FBXO25: variants seen among roughly 807,000 people sequenced by gnomAD.
FBXO25 encodes F-box protein 25.
A neutral mutation model predicts 51.9 loss-of-function variants in FBXO25; 45 were observed. The observed-to-expected ratio is 0.87, with a 90% CI of 0.68 to 1.11. The LOEUF (loss-of-function observed/expected upper bound fraction) is 1.11, where lower values mean the gene tolerates loss of function less well. FBXO25 is among the 50% of genes most tolerant of loss of function. The probability of loss-of-function intolerance (pLI) is 0.00; values close to 1 mark genes in which losing one functional copy is unlikely to be tolerated. For missense variants in FBXO25, 507 were observed against 428.5 expected, an observed-to-expected ratio of 1.18 and a Z score of -1.62; for synonymous variants, 199 against 151.0, an observed-to-expected ratio of 1.32 and a Z score of -2.33.
chr8:425,695 T>C (rs1180900689), intron 2 of FBXO25, among the ~76,000 whole-genome samples: 1 of 151,992 alleles, frequency 6.6e-6, no homozygotes, highest in Non-Finnish European at 1.5e-5. Context: ...AAATTCTCTA[T>C]ATATTTTCCC....
At chr8:454,958 G>C (rs1052444160) in intron 7 of FBXO25, among the ~76,000 whole-genome samples, 3 of 151,664 alleles carry the variant, frequency 2.0e-5, no homozygotes, top group Non-Finnish European at 2.9e-5. Context: ...CTCCTGGTCA[G>C]TGCTTAACAA....
chr8:417,226 A>C (rs192816563), intron 2 of FBXO25, among the ~76,000 whole-genome samples: 1 of 152,294 alleles, frequency 6.6e-6, no homozygotes, highest in Admixed American at 6.5e-5. Flanking sequence ...TTTCTGAGTG[A>C]TGTGGGGAGT....
intron 2 of FBXO25, among the ~76,000 whole-genome samples, chr8:420,220 C>T (rs1797066109): frequency 6.6e-6 from 1 of 152,140 alleles, no homozygotes; most frequent in Non-Finnish European, 1.5e-5. Flanking sequence ...TGTGCACCTT[C>T]CTCATAAGGT....
intron 2 of FBXO25, among the ~76,000 whole-genome samples, chr8:428,526 T>C (rs1012536365): frequency 3.3e-4 from 50 of 152,042 alleles, no homozygotes; most frequent in African/African-American, 1.1e-3. Flanking sequence ...TCTTTATCTT[T>C]AATTAAAACA....
chr8:421,950 C>G (rs1285004672), intron 2 of FBXO25, among the ~76,000 whole-genome samples: 2 of 152,072 alleles, frequency 1.3e-5, no homozygotes, highest in Non-Finnish European at 2.9e-5. Flanking sequence ...TCCATTTAGG[C>G]TGATATGAAT....
intron 2 of FBXO25, among the ~76,000 whole-genome samples, chr8:426,492 TC>T (rs1163057373): frequency 2.4e-4 from 36 of 152,140 alleles, no homozygotes; most frequent in African/African-American, 8.4e-4. Flanking sequence ...CATGTTAATA[TC>T]CTAGTCATGA....
In FBXO25 at chr8:439,966, T is replaced by A. The variant is rs373526704; in HGVS notation, c.381+4259T>A. Among the ~76,000 whole-genome samples the A allele has an allele frequency of 1.1e-4, 17 of 152,264 alleles. No homozygotes were observed. The South Asian group carries it at 3.1e-3, about 28-fold the overall frequency. On this transcript the variant is annotated intron_variant, in intron 5 of 9. Coordinates refer to ENST00000350302, the MANE Select transcript of FBXO25 (RefSeq NM_183420.2). ...CTAGAATCTCTGGCTATATGAAGAT[T>A]TTTTTTCAAATTTTTTCATAATTTC...
At chr8:416,457 A>T (rs989271316) in intron 2 of FBXO25, among the ~76,000 whole-genome samples, 2 of 152,190 alleles carry the variant, frequency 1.3e-5, no homozygotes, top group Non-Finnish European at 2.9e-5. Context: ...ACAGAGGCTT[A>T]TTTTTGTTAA....
chr8:456,468 C>G (rs1452383798), intron 7 of FBXO25, among the ~76,000 whole-genome samples: 1 of 152,142 alleles, frequency 6.6e-6, no homozygotes, highest in African/African-American at 2.4e-5. Context: ...CAGTAATGAG[C>G]AAAGACGTTT....
At position 476,340 on chromosome 8, in the gene FBXO25, T is replaced by C. The variant is rs560498522; in HGVS notation, c.*7536T>C. On this transcript the variant is annotated 3_prime_UTR_variant, in exon 10 of 10. Transcript: ENST00000350302. ...GATGTGTGGTGTTTTTTTCTTATAG[T>C]GTCTTTGTCTGGTTTTGGTATCAGA... is the stretch of plus-strand genomic sequence containing the variant. 1.8e-4 allele frequency: 26 copies of C among 145,150 alleles called. No individual in the cohort carries two copies. The highest frequency in any genetic ancestry group is 7.0e-4 in the African/African-American group (26 of 36,992). The allele number at this position is 145,150 out of a possible 1,614,324, so 9.0% of individuals were successfully genotyped here.
At chr8:422,158 C>G (rs141860614) in intron 2 of FBXO25, among the ~76,000 whole-genome samples, 2 of 152,098 alleles carry the variant, frequency 1.3e-5, no homozygotes, top group Non-Finnish European at 2.9e-5. Context: ...AGTCTCCCCC[C>G]AAATAGCTAT....
In FBXO25 at chr8:473,827, T is replaced by C. The variant is rs1222315613; in HGVS notation, c.*5023T>C. 3 of 152,238 alleles carry C rather than the reference T, an allele frequency of 2.0e-5. No individual in the cohort carries two copies. The highest frequency in any genetic ancestry group is 7.2e-5 in the African/African-American group (3 of 41,470). 9.4% of individuals were successfully genotyped at this position (152,238 alleles called of 1,614,324 possible). A position where few individuals can be genotyped will look rare whatever the true frequency, so the allele number is the denominator to read the frequency against. Reference sequence around the variant, plus strand: ...ACTGTCTCGTTTTTGCATGGAAATTTCATTTTTATTTGATAATCATTTGAG... The same window carrying C: ...ACTGTCTCGTTTTTGCATGGAAATTCCATTTTTATTTGATAATCATTTGAG... On this transcript the variant is annotated 3_prime_UTR_variant, in exon 10 of 10. Coordinates refer to ENST00000350302, the MANE Select transcript of FBXO25 (RefSeq NM_183420.2).
chr8:452,149 A>C (rs1799138120), intron 7 of FBXO25, among the ~76,000 whole-genome samples: 1 of 152,218 alleles, frequency 6.6e-6, no homozygotes, highest in Non-Finnish European at 1.5e-5. Context: ...CCCAGTTTTC[A>C]CATAAAGGAA....
At chr8:462,526 CTT>C (rs1799880144) in intron 8 of FBXO25, among the ~76,000 whole-genome samples, 1 of 152,278 alleles carries the variant, frequency 6.6e-6, no homozygotes, top group African/African-American at 2.4e-5. Context: ...TGATTTGTCA[CTT>C]ATTGATTTAA....
rs1440381993 is a variant in FBXO25 at position 474,804 on chromosome 8, C to T, written c.*6000C>T. 8 of 414,468 alleles carry T rather than the reference C, an allele frequency of 1.9e-5. No homozygotes were observed. In the Middle Eastern group the frequency reaches 1.0e-3, roughly 54 times the overall value. The allele number at this position is 414,468 out of a possible 1,614,324, so 25.7% of individuals were successfully genotyped here. ...CCCATTCCGTGGATTGCCTTTCACT[C>T]TGTTTTGTTCTTTGATGTACAGAAG... is the stretch of plus-strand genomic sequence containing the variant. On this transcript the variant is annotated 3_prime_UTR_variant, in exon 10 of 10. Transcript: ENST00000350302.
chr8:439,120 T>A (rs1486738706), intron 5 of FBXO25, among the ~76,000 whole-genome samples: 1 of 152,234 alleles, frequency 6.6e-6, no homozygotes, highest in African/African-American at 2.4e-5. Context: ...AAAAGCTGTC[T>A]GGAGGAAGTA....
intron 1 of FBXO25, chr8:407,404 G>T (rs1584985316): frequency 1.0e-6 from 1 of 984,956 alleles, no homozygotes; most frequent in Non-Finnish European, 1.2e-6. Context: ...GATGGGCCGC[G>T]GGCGCGTCAG....
intron 8 of FBXO25, among the ~76,000 whole-genome samples, chr8:461,837 C>T (rs1205558428): frequency 1.3e-5 from 2 of 152,200 alleles, no homozygotes; most frequent in Non-Finnish European, 2.9e-5. Flanking sequence ...ATCAGAGCTT[C>T]ATTCAAGACT....
intron 2 of FBXO25, among the ~76,000 whole-genome samples, chr8:425,335 C>G (rs1342923314): frequency 6.6e-6 from 1 of 151,556 alleles, no homozygotes; most frequent in African/African-American, 2.4e-5. Context: ...ATTTTTCTCT[C>G]TATCCCTTTC....
Sources: allele counts gnomAD v4.1 joint callset (sites outside exome capture counted in the v4.1 genomes callset), GRCh38; gene constraint gnomAD v4.1.1; transcripts MANE v1.5; gene names NCBI Gene and HGNC (gene_info 2026-07-23, HGNC 2026-07-21).